Variants in CSMD1 observed in about 807,000 individuals in gnomAD.
CSMD1 encodes the protein CUB and sushi domain-containing protein 1.
In CSMD1, 213 loss-of-function variants were observed where a neutral mutation model predicts 417.5. The observed-to-expected ratio is 0.51, with a 90% CI of 0.46 to 0.57. The LOEUF (loss-of-function observed/expected upper bound fraction) is 0.57, where lower values mean the gene tolerates loss of function less well. CSMD1 is among the 20% of genes least tolerant of loss of function. The pLI, the probability that CSMD1 is intolerant of heterozygous loss-of-function variation, is 0.00. For missense variants in CSMD1, 6,923 were observed against 4,529.7 expected, an observed-to-expected ratio of 1.53 and a Z score of -15.17; for synonymous variants, 2,862 against 1,736.8, an observed-to-expected ratio of 1.65 and a Z score of -16.11.
At chr8:3,984,600 G>C (rs1204070484) in intron 5 of CSMD1, among the ~76,000 whole-genome samples, 2 of 150,210 alleles carry the variant, frequency 1.3e-5, no homozygotes, top group East Asian at 2.0e-4. Context: ...CTTCAAGTAA[G>C]AAAAAATACA....
At chr8:4,748,277 C>T (rs79675349) in intron 1 of CSMD1, among the ~76,000 whole-genome samples, 1,584 of 152,338 alleles carry the variant, frequency 0.01, 14 homozygotes, top group East Asian at 0.052. Flanking sequence ...AGCACACAAG[C>T]AAATCATCAT....
chr8:3,308,731 A>AATTTTTTTT (rs750152499), intron 23 of CSMD1, among the ~76,000 whole-genome samples: 3 of 75,828 alleles, frequency 4.0e-5, no homozygotes, highest in Non-Finnish European at 5.0e-5. Context: ...CCTACTTACA[A>AATTTTTTTT]GTTTTTTTTT....
rs906140566 is a variant in CSMD1, at chr8:3,494,820, G to C, written c.1345-1094C>G. Among the ~76,000 whole-genome samples the C allele has an allele frequency of 1.8e-4, 28 of 152,136 alleles. 1 individual carries two copies. Among genetic ancestry groups the C allele is most frequent in the Non-Finnish European group, 3.8e-4 (26 of 68,010 alleles). On this transcript the variant is annotated intron_variant, in intron 10 of 69. Coordinates refer to ENST00000635120, the MANE Select transcript of CSMD1 (RefSeq NM_033225.6). ...GTACATTTTAATAAACTGTGTTTTAGAATGAAACAGAAATTCTGAAATAGC... is the reference window on the plus strand; with the variant it reads ...GTACATTTTAATAAACTGTGTTTTACAATGAAACAGAAATTCTGAAATAGC...
intron 3 of CSMD1, among the ~76,000 whole-genome samples, chr8:4,321,638 A>T (rs1218963982): frequency 6.6e-6 from 1 of 152,178 alleles, no homozygotes; most frequent in Admixed American, 6.5e-5. Flanking sequence ...CTACCTCTGC[A>T]AAGTTTAATA....
intron 23 of CSMD1, among the ~76,000 whole-genome samples, chr8:3,312,129 T>A (rs1183130583): frequency 6.6e-6 from 1 of 152,204 alleles, no homozygotes. Flanking sequence ...AAAAGATGTA[T>A]CCATTAAAAT....
At chr8:3,195,715 G>A (rs1436925222) in intron 33 of CSMD1, among the ~76,000 whole-genome samples, 3 of 152,142 alleles carry the variant, frequency 2.0e-5, no homozygotes, top group African/African-American at 2.4e-5. Flanking sequence ...GTGAACACTC[G>A]AGGAATTCCC....
intron 5 of CSMD1, among the ~76,000 whole-genome samples, chr8:3,914,303 T>G (rs1170880884): frequency 1.3e-5 from 2 of 151,810 alleles, no homozygotes; most frequent in Admixed American, 1.3e-4. Context: ...TAGCTCATGG[T>G]TTTTAAGAAC....
At chr8:4,730,492 G>A (rs1379583030) in intron 1 of CSMD1, among the ~76,000 whole-genome samples, 3 of 152,180 alleles carry the variant, frequency 2.0e-5, no homozygotes, top group Non-Finnish European at 2.9e-5. Context: ...TGTAATCCCA[G>A]CACTTTGGGA....
intron 4 of CSMD1, among the ~76,000 whole-genome samples, chr8:4,020,254 T>C (rs890281264): frequency 1.3e-5 from 2 of 152,210 alleles, no homozygotes; most frequent in African/African-American, 2.4e-5. Flanking sequence ...CAGTGTCCAA[T>C]TGACAGCACT....
chr8:4,257,952 A>C (rs1007331312), intron 3 of CSMD1, among the ~76,000 whole-genome samples: 1 of 152,116 alleles, frequency 6.6e-6, no homozygotes, highest in African/African-American at 2.4e-5. Flanking sequence ...AAATCATTAG[A>C]ATCTTTGTCT....
intron 10 of CSMD1, among the ~76,000 whole-genome samples, chr8:3,572,470 C>T (rs923350217): frequency 6.6e-5 from 10 of 152,256 alleles, no homozygotes; most frequent in African/African-American, 2.4e-4. Flanking sequence ...CCCAGCGTTT[C>T]TAATTTTATG....
chr8:3,317,769 G>C (rs1243761309), intron 23 of CSMD1, among the ~76,000 whole-genome samples: 1 of 152,098 alleles, frequency 6.6e-6, no homozygotes, highest in African/African-American at 2.4e-5. Context: ...TTTGTGTTTA[G>C]TAAAATTTCA....
chr8:3,625,482 T>A (rs1450250795), intron 7 of CSMD1, among the ~76,000 whole-genome samples: 1 of 152,100 alleles, frequency 6.6e-6, no homozygotes, highest in South Asian at 2.1e-4. Flanking sequence ...ACACAAGGGG[T>A]TGATCACCTA....
intron 3 of CSMD1, among the ~76,000 whole-genome samples, chr8:4,360,370 C>G (rs1358493587): frequency 6.6e-6 from 1 of 152,126 alleles, no homozygotes; most frequent in Non-Finnish European, 1.5e-5. Context: ...GCCTCTTTAC[C>G]CTAATTGTAA....
At chr8:4,099,514 A>G (rs1801196536) in intron 3 of CSMD1, among the ~76,000 whole-genome samples, 1 of 151,996 alleles carries the variant, frequency 6.6e-6, no homozygotes, top group South Asian at 2.1e-4. Context: ...TTCACTACGG[A>G]TTGTGCCATT....
chr8:4,156,975 G>A (rs765689954), intron 3 of CSMD1, among the ~76,000 whole-genome samples: 8 of 152,084 alleles, frequency 5.3e-5, no homozygotes, highest in Non-Finnish European at 7.3e-5. Flanking sequence ...CTTGGCAGAT[G>A]ATGCATACAT....
intron 39 of CSMD1, among the ~76,000 whole-genome samples, chr8:3,154,115 C>T (rs577067020): frequency 6.6e-6 from 1 of 152,224 alleles, no homozygotes; most frequent in South Asian, 2.1e-4. Flanking sequence ...TACAGGCGCC[C>T]ACAACTGCGA....
intron 37 of CSMD1, among the ~76,000 whole-genome samples, chr8:3,171,524 T>C (rs940832528): frequency 2.0e-5 from 3 of 152,312 alleles, no homozygotes; most frequent in Non-Finnish European, 4.4e-5. Flanking sequence ...ACAGAGCCAC[T>C]AGTCATTACT....
chr8:3,623,163 G>T (rs533881954), intron 7 of CSMD1, among the ~76,000 whole-genome samples: 20 of 152,274 alleles, frequency 1.3e-4, no homozygotes, highest in African/African-American at 4.6e-4. Context: ...GAGTTTAAAT[G>T]AATTTGATTT....
Sources: allele counts gnomAD v4.1 joint callset (sites outside exome capture counted in the v4.1 genomes callset), GRCh38; gene constraint gnomAD v4.1.1; transcripts MANE v1.5; gene names NCBI Gene and HGNC (gene_info 2026-07-23, HGNC 2026-07-21).